The following ABLIM2 variants were observed in gnomAD, a reference collection of about 807,000 sequenced individuals.
ABLIM2 encodes actin-binding LIM protein 2.
ABLIM2 carries 53 observed loss-of-function variants against 97.7 expected under a neutral mutation model. The observed-to-expected ratio is 0.54, with a 90% CI of 0.44 to 0.68. ABLIM2 has a LOEUF of 0.68. Ranked by LOEUF, ABLIM2 falls within the 30% of genes least tolerant of loss-of-function variation. The probability of loss-of-function intolerance (pLI) is 0.00; values close to 1 mark genes in which losing one functional copy is unlikely to be tolerated. For missense variants in ABLIM2, 835 were observed against 867.2 expected, an observed-to-expected ratio of 0.96 and a Z score of 0.47; for synonymous variants, 361 against 345.8, an observed-to-expected ratio of 1.04 and a Z score of -0.49.
chr4:8,093,012 C>T (rs537853346), intron 3 of ABLIM2, among the ~76,000 whole-genome samples: 2 of 152,176 alleles, frequency 1.3e-5, no homozygotes, highest in African/African-American at 4.8e-5. Context: ...CCACGCCTGG[C>T]TCATTTTTGT....
At position 8,087,222 on chromosome 4, in the gene ABLIM2, G is replaced by T. The variant is rs1453653775; in HGVS notation, c.454+947C>A. On this transcript the variant is annotated intron_variant, in intron 4 of 20. Transcript: ENST00000447017. The surrounding 1 kb of genome is among the most constrained non-coding windows in gnomAD (Gnocchi z 4.6). ...AGTGGGCTTCTGCACCAGGTGCCTG[G>T]CAGCGGCGGGGCCTGGTTTGCTGGG... is the stretch of plus-strand genomic sequence containing the variant. 6.6e-6 allele frequency among the ~76,000 whole-genome samples: 1 copy of T among 152,200 alleles called. No homozygotes were observed. The highest frequency in any genetic ancestry group is 2.4e-5 in the African/African-American group (1 of 41,444).
intron 17 of ABLIM2, chr4:7,989,355 A>G: frequency 1.0e-6 from 1 of 965,524 alleles, no homozygotes; most frequent in Non-Finnish European, 1.2e-6. Flanking sequence ...CTGGGATTAT[A>G]GGCCTGAACC....
intron 9 of ABLIM2, among the ~76,000 whole-genome samples, chr4:8,036,834 C>CGCACACATGCAAACACACACACT (rs1784774652): frequency 6.6e-6 from 1 of 152,168 alleles, no homozygotes. Flanking sequence ...AACACAGACA[C>CGCACACATGCAAACACACACACT]GCACACATGC....
intron 1 of ABLIM2, among the ~76,000 whole-genome samples, chr4:8,154,111 T>C (rs1358878792): frequency 1.6e-4 from 24 of 149,604 alleles, no homozygotes; most frequent in East Asian, 4.0e-4. Flanking sequence ...TACAGGCACC[T>C]GCCACCACGC....
intron 20 of ABLIM2, among the ~76,000 whole-genome samples, chr4:7,974,355 C>G (rs1409475791): frequency 6.6e-6 from 1 of 150,730 alleles, no homozygotes; most frequent in Admixed American, 6.6e-5. Context: ...ACCAATCCAT[C>G]CACTCCTCCA....
intron 1 of ABLIM2, among the ~76,000 whole-genome samples, chr4:8,119,448 C>T (rs1844310721): frequency 6.6e-6 from 1 of 151,550 alleles, no homozygotes; most frequent in Admixed American, 6.6e-5. Flanking sequence ...CTCCCTTAGC[C>T]TCCTGAGTAG....
intron 6 of ABLIM2, among the ~76,000 whole-genome samples, chr4:8,074,502 T>C (rs1348576999): frequency 1.3e-5 from 2 of 152,050 alleles, no homozygotes; most frequent in East Asian, 3.9e-4. Context: ...CCTATCAAAT[T>C]GGCAAAGGTT....
chr4:8,014,191 C>G (rs570022269), intron 14 of ABLIM2, among the ~76,000 whole-genome samples: 1 of 152,384 alleles, frequency 6.6e-6, no homozygotes, highest in African/African-American at 2.4e-5. Context: ...GACCGGCACC[C>G]CGGCAGGTGC....
At chr4:7,973,606 G>C (rs1288435585) in intron 20 of ABLIM2, among the ~76,000 whole-genome samples, 2 of 152,194 alleles carry the variant, frequency 1.3e-5, no homozygotes, top group Non-Finnish European at 2.9e-5. Flanking sequence ...GTGTTAAGCA[G>C]TTTGGTTTTT....
At chr4:8,131,037 C>T (rs1849283496) in intron 1 of ABLIM2, among the ~76,000 whole-genome samples, 1 of 152,208 alleles carries the variant, frequency 6.6e-6, no homozygotes, top group Admixed American at 6.5e-5. Context: ...TCTGTGGTCA[C>T]CCCACTCTGC....
chr4:8,040,632 A>C (rs1787798207), intron 9 of ABLIM2, among the ~76,000 whole-genome samples: 1 of 151,996 alleles, frequency 6.6e-6, no homozygotes, highest in Non-Finnish European at 1.5e-5. Flanking sequence ...AAAGAAAAGA[A>C]AAGAAAAGCA....
rs1438480687 is a variant in ABLIM2, at chr4:8,120,666, A to G, written c.11-14029T>C. On this transcript the variant is annotated intron_variant, in intron 1 of 20. Transcript: ENST00000447017. This position sits in a 1 kb window ranked among gnomAD's most constrained non-coding sequence, Gnocchi z 5.6. ...CCCCATCTGTGTGCTCTGTCGTGGG[A>G]GCATGGGAAACCAGCAGGAGCACTT... Among the ~76,000 whole-genome samples, 1 of 152,174 alleles carries G rather than the reference A, an allele frequency of 6.6e-6. No individual in the cohort carries two copies. Among genetic ancestry groups the G allele is most frequent in the Non-Finnish European group, 1.5e-5 (1 of 68,032 alleles).
chr4:7,976,312 A>G (rs569007776), intron 20 of ABLIM2, among the ~76,000 whole-genome samples: 25 of 151,782 alleles, frequency 1.6e-4, no homozygotes, highest in African/African-American at 5.6e-4. Flanking sequence ...CACTTCTCAC[A>G]CTCACCAGTC....
rs963263068 is a variant in ABLIM2, at chr4:8,067,202, AT to A, written c.676-6149del. The A allele has an allele frequency of 6.6e-5, 10 of 152,250 alleles. No individual in the cohort carries two copies. Among genetic ancestry groups the A allele is most frequent in the Admixed American group, 4.6e-4 (7 of 15,280 alleles). 9.4% of individuals were successfully genotyped at this position (152,250 alleles called of 1,614,324 possible). ...ATGGGCCATGGGGACAATCGGGGAC[AT>A]TTGTGGCTGAGCCCCTGCAGGTCCG... is the stretch of plus-strand genomic sequence containing the variant. On this transcript the variant is annotated intron_variant, in intron 6 of 20. Transcript: ENST00000447017. The surrounding 1 kb of genome is among the most constrained non-coding windows in gnomAD (Gnocchi z 5.4).
In ABLIM2 at chr4:8,046,141, G is replaced by T. The variant is rs1792236474; in HGVS notation, c.823-900C>A. ...CCTGGGACCTGTGTCCTCCTTACAT[G>T]CTCGCTGCTGTCTGGGGCCACTCCT... On this transcript the variant is annotated intron_variant, in intron 8 of 20. Transcript: ENST00000447017. This position sits in a 1 kb window ranked among gnomAD's most constrained non-coding sequence, Gnocchi z 4.4. Among the ~76,000 whole-genome samples the T allele has an allele frequency of 6.6e-6, 1 of 152,040 alleles. No homozygotes were observed. Among genetic ancestry groups the T allele is most frequent in the Admixed American group, 6.5e-5 (1 of 15,272 alleles).
Position 8,150,914 on chromosome 4 carries a change from C to T in ABLIM2, c.10+7766G>A, listed in dbSNP as rs544735915. 9.2e-5 allele frequency among the ~76,000 whole-genome samples: 14 copies of T among 152,194 alleles called. No individual in the cohort carries two copies. The highest frequency in any genetic ancestry group is 2.1e-4 in the South Asian group (1 of 4,824). On this transcript the variant is annotated intron_variant, in intron 1 of 20. Coordinates refer to ENST00000447017, the MANE Select transcript of ABLIM2 (RefSeq NM_001130083.2). The surrounding 1 kb of genome is among the most constrained non-coding windows in gnomAD (Gnocchi z 6.3). Reference sequence around the variant, plus strand: ...ATGCCAAAGCGGCTCCCACGGGGCACGACGTCAGGTTTGTCCCTGAGCTGT... The same window carrying T: ...ATGCCAAAGCGGCTCCCACGGGGCATGACGTCAGGTTTGTCCCTGAGCTGT...
intron 20 of ABLIM2, among the ~76,000 whole-genome samples, chr4:7,980,941 A>ATGTTTT (rs1483414043): frequency 1.2e-5 from 1 of 82,988 alleles, no homozygotes; most frequent in East Asian, 5.6e-4. Flanking sequence ...ACAACCCCTT[A>ATGTTTT]TTTTTTTTTT....
rs1296902667 is a variant in ABLIM2, at chr4:8,032,206, A to AT, written c.1048-2431_1048-2430insA. ...TGATTAATTTTGAGAAACAGAAAAA[A>AT]AAAAAAAAAACTAGACCACTAACAG... On this transcript the variant is annotated intron_variant, in intron 10 of 20. Coordinates refer to ENST00000447017, the MANE Select transcript of ABLIM2 (RefSeq NM_001130083.2). The surrounding 1 kb of genome is among the most constrained non-coding windows in gnomAD (Gnocchi z 4.3). 6.6e-6 allele frequency among the ~76,000 whole-genome samples: 1 copy of AT among 152,056 alleles called. No individual in the cohort carries two copies. The highest frequency in any genetic ancestry group is 2.4e-5 in the African/African-American group (1 of 41,430).
chr4:7,996,863 G>C lies in ABLIM2; in HGVS notation c.1619-3936C>G, dbSNP rs1753675403. On this transcript the variant is annotated intron_variant, in intron 16 of 20. Transcript: ENST00000447017. This position sits in a 1 kb window ranked among gnomAD's most constrained non-coding sequence, Gnocchi z 4.5. ...TCTGATGAGAAATCTGCTATCGCTT[G>C]AATTGGTGTTTCCCCTCTGTTTTTT... Among the ~76,000 whole-genome samples the C allele has an allele frequency of 1.3e-5, 2 of 152,144 alleles. No homozygotes were observed. Among genetic ancestry groups the C allele is most frequent in the African/African-American group, 4.8e-5 (2 of 41,430 alleles).
Sources: gnomAD v4.1 joint callset for allele counts (sites outside exome capture counted in the v4.1 genomes callset) on GRCh38, gnomAD v4.1.1 for gene constraint, Gnocchi (gnomAD v3.1) non-coding constraint, MANE v1.5 for transcripts, NCBI Gene and HGNC (gene_info 2026-07-23, HGNC 2026-07-21) for gene names.